The following CPQ variants were observed in gnomAD, a reference collection of about 807,000 sequenced individuals.
CPQ encodes Ser-Met dipeptidase.
CPQ carries 37 observed loss-of-function variants against 45.7 expected under a neutral mutation model. The observed-to-expected ratio is 0.81, with a 90% CI of 0.62 to 1.07. The LOEUF (loss-of-function observed/expected upper bound fraction) is 1.07, where lower values mean the gene tolerates loss of function less well. Ranked by LOEUF, CPQ falls within the 50% of genes least tolerant of loss-of-function variation. The pLI, the probability that CPQ is intolerant of heterozygous loss-of-function variation, is 0.00. For synonymous variants in CPQ, 186 were observed against 205.8 expected (o/e 0.90, Z 0.82); for missense variants, 537 against 572.9 (o/e 0.94, Z 0.64).
intron 1 of CPQ, among the ~76,000 whole-genome samples, chr8:96,719,368 C>T (rs1809731627): frequency 6.6e-6 from 1 of 152,192 alleles, no homozygotes; most frequent in Admixed American, 6.5e-5. Context: ...CAGGGCTGGC[C>T]GGCTGCTCCA....
At chr8:97,050,082 G>A (rs1810332726) in intron 6 of CPQ, among the ~76,000 whole-genome samples, 1 of 152,114 alleles carries the variant, frequency 6.6e-6, no homozygotes. Context: ...TGAGTGGGAG[G>A]CCTCCATGAT....
At chr8:97,110,647 T>C (rs1811485048) in intron 7 of CPQ, among the ~76,000 whole-genome samples, 1 of 152,210 alleles carries the variant, frequency 6.6e-6, no homozygotes, top group Non-Finnish European at 1.5e-5. Context: ...GTCCTCCTTC[T>C]TGGCTTTTTT....
At chr8:97,029,838 T>TC (rs1288267328) in intron 6 of CPQ, among the ~76,000 whole-genome samples, 1 of 152,124 alleles carries the variant, frequency 6.6e-6, no homozygotes, top group Non-Finnish European at 1.5e-5. Flanking sequence ...ACCGAGCCTA[T>TC]CCCCATACCT....
intron 1 of CPQ, among the ~76,000 whole-genome samples, chr8:96,723,921 T>C (rs1809799049): frequency 6.6e-6 from 1 of 152,190 alleles, no homozygotes; most frequent in Middle Eastern, 3.4e-3. Flanking sequence ...ATTTTCAGGA[T>C]CTGTACTTTT....
chr8:96,675,476 A>G (rs1165304887), intron 1 of CPQ, among the ~76,000 whole-genome samples: 3 of 152,106 alleles, frequency 2.0e-5, no homozygotes, highest in Admixed American at 6.6e-5. Context: ...CTTAGTCTAT[A>G]CATAAACATT....
At chr8:96,886,700 C>A (rs1484649213) in intron 4 of CPQ, among the ~76,000 whole-genome samples, 1 of 152,140 alleles carries the variant, frequency 6.6e-6, no homozygotes, top group African/African-American at 2.4e-5. Context: ...ACTCCCATTT[C>A]TTTTAACCTC....
intron 3 of CPQ, among the ~76,000 whole-genome samples, chr8:96,842,163 A>G (rs1811622505): frequency 1.3e-5 from 2 of 152,192 alleles, no homozygotes; most frequent in South Asian, 4.1e-4. Context: ...CTCAGGGAAT[A>G]AAAAAGCTTG....
intron 1 of CPQ, among the ~76,000 whole-genome samples, chr8:96,783,260 A>AGTGTGTGTGTGTGTGTGTGTGT (rs71267280): frequency 4.7e-5 from 7 of 147,982 alleles, no homozygotes; most frequent in African/African-American, 1.7e-4. Flanking sequence ...TAGTTGTGTG[A>AGTGTGTGTGTGTGTGTGTGTGT]GTGTGTGTGT....
chr8:96,876,703 A>C (rs1039843197), intron 3 of CPQ, among the ~76,000 whole-genome samples: 1 of 152,196 alleles, frequency 6.6e-6, no homozygotes, highest in Non-Finnish European at 1.5e-5. Context: ...ATTGTCCTTT[A>C]TTATATTAAA....
intron 7 of CPQ, among the ~76,000 whole-genome samples, chr8:97,088,911 A>G (rs1811082415): frequency 6.6e-6 from 1 of 152,204 alleles, no homozygotes; most frequent in Non-Finnish European, 1.5e-5. Context: ...AGTCCAAGCT[A>G]TACTCGAAAT....
chr8:96,715,649 CTT>C (rs1809663953), intron 1 of CPQ, among the ~76,000 whole-genome samples: 1 of 152,314 alleles, frequency 6.6e-6, no homozygotes, highest in South Asian at 2.1e-4. Context: ...GAGCTGCAGA[CTT>C]TCCCTGTGGA....
At chr8:96,808,296 C>T (rs561354601) in intron 2 of CPQ, among the ~76,000 whole-genome samples, 5 of 152,028 alleles carry the variant, frequency 3.3e-5, no homozygotes, top group African/African-American at 4.8e-5. Flanking sequence ...GAAATAGTGA[C>T]GTGAAGCTTG....
chr8:96,978,635 G>A (rs771477815), intron 5 of CPQ, among the ~76,000 whole-genome samples: 8 of 152,090 alleles, frequency 5.3e-5, no homozygotes, highest in Admixed American at 2.0e-4. Flanking sequence ...CTTCCTCCCC[G>A]ATGTATGCTT....
chr8:96,907,154 T>G (rs999537309), intron 4 of CPQ, among the ~76,000 whole-genome samples: 19 of 152,222 alleles, frequency 1.2e-4, no homozygotes, highest in African/African-American at 3.6e-4. Flanking sequence ...ATCTAGTGGC[T>G]CAAATAACAA....
intron 2 of CPQ, among the ~76,000 whole-genome samples, chr8:96,789,983 G>T (rs115400171): frequency 0.011 from 1,703 of 152,122 alleles, 40 homozygotes; most frequent in African/African-American, 0.037. Context: ...GGCCCTTCTT[G>T]GTTGTTTCTT....
intron 2 of CPQ, among the ~76,000 whole-genome samples, chr8:96,814,652 G>C (rs1811202512): frequency 6.6e-6 from 1 of 152,118 alleles, no homozygotes; most frequent in African/African-American, 2.4e-5. Flanking sequence ...ATGCCAGTTG[G>C]TGTGCAGGTG....
chr8:96,661,061 ATAAT>A (rs1296901747), intron 1 of CPQ, among the ~76,000 whole-genome samples: 4 of 152,348 alleles, frequency 2.6e-5, no homozygotes, highest in African/African-American at 4.8e-5. Context: ...AACATAGTAG[ATAAT>A]TAATCAATCT....
intron 2 of CPQ, among the ~76,000 whole-genome samples, chr8:96,808,665 G>A (rs1036869302): frequency 3.3e-5 from 5 of 152,194 alleles, no homozygotes; most frequent in African/African-American, 9.6e-5. Context: ...TTACTCCTTC[G>A]TGGTGGCCGT....
intron 7 of CPQ, among the ~76,000 whole-genome samples, chr8:97,125,999 A>G (rs1811840505): frequency 6.6e-6 from 1 of 152,236 alleles, no homozygotes; most frequent in African/African-American, 2.4e-5. Context: ...TGTGAAAGAA[A>G]GATGTTTATC....
Sources: allele counts gnomAD v4.1 joint callset (sites outside exome capture counted in the v4.1 genomes callset), GRCh38; gene constraint gnomAD v4.1.1; transcripts MANE v1.5; gene names NCBI Gene and HGNC (gene_info 2026-07-23, HGNC 2026-07-21).